The following SDK1 variants were observed in gnomAD, a reference collection of about 807,000 sequenced individuals.
The protein encoded by SDK1 is sidekick cell adhesion molecule 1.
A neutral mutation model predicts 245.5 loss-of-function variants in SDK1; 157 were observed. The observed-to-expected ratio is 0.64, with a 90% CI of 0.56 to 0.73. The LOEUF is 0.73. SDK1 is among the 30% of genes least tolerant of loss of function. The pLI, the probability that SDK1 is intolerant of heterozygous loss-of-function variation, is 0.00. For synonymous variants in SDK1, 1,647 were observed against 1,278.5 expected (o/e 1.29, Z -6.15); for missense variants, 3,583 against 3,002.3 (o/e 1.19, Z -4.52).
intron 1 of SDK1, among the ~76,000 whole-genome samples, chr7:3,589,040 A>G (rs529442962): frequency 6.6e-6 from 1 of 152,354 alleles, no homozygotes; most frequent in Admixed American, 6.5e-5. Flanking sequence ...TTAGATCAAT[A>G]TTAGCTAACA....
At chr7:4,141,656 ATCGGGGATGCTGGGGAAGGCCC>A (rs1310176643) in intron 28 of SDK1, among the ~76,000 whole-genome samples, 3 of 152,348 alleles carry the variant, frequency 2.0e-5, no homozygotes, top group East Asian at 3.9e-4. Context: ...GTTCCTGGCC[ATCGGGGATGCTGGGGAAGGCCC>A]TCGTTAGTCG....
intron 4 of SDK1, among the ~76,000 whole-genome samples, chr7:3,799,044 A>T (rs552555962): frequency 6.6e-6 from 1 of 152,154 alleles, no homozygotes; most frequent in African/African-American, 2.4e-5. Flanking sequence ...CTTCGCCTTC[A>T]ATTATTTATT....
intron 1 of SDK1, among the ~76,000 whole-genome samples, chr7:3,603,627 A>G (rs972972649): frequency 2.4e-4 from 37 of 152,156 alleles, no homozygotes; most frequent in Non-Finnish European, 4.3e-4. Flanking sequence ...GTCGTCTGCA[A>G]ACAGGGACAA....
chr7:3,498,999 T>G (rs1782109484), intron 1 of SDK1, among the ~76,000 whole-genome samples: 1 of 152,212 alleles, frequency 6.6e-6, no homozygotes, highest in Non-Finnish European at 1.5e-5. Context: ...TTTGCAGAAA[T>G]CTAAAGTTTA....
At chr7:3,462,639 T>C (rs1780868956) in intron 1 of SDK1, among the ~76,000 whole-genome samples, 1 of 152,136 alleles carries the variant, frequency 6.6e-6, no homozygotes, top group Non-Finnish European at 1.5e-5. Flanking sequence ...AGTCCAGCTG[T>C]ACCATAAACT....
rs537415368 is a variant in SDK1 at position 4,236,330 on chromosome 7, C to T, written c.5993-1317C>T. Among the ~76,000 whole-genome samples the T allele has an allele frequency of 4.6e-5, 7 of 152,318 alleles. No homozygotes were observed. In the South Asian group the frequency reaches 8.3e-4, roughly 18 times the overall value. On this transcript the variant is annotated intron_variant, in intron 41 of 44. Transcript: ENST00000404826. ...CAGCACCCATCAAGATACAATTTCC[C>T]GCTTTTCTGTTCTGAGCGAGCAGAA...
intron 1 of SDK1, among the ~76,000 whole-genome samples, chr7:3,561,250 G>T (rs1779741947): frequency 6.6e-6 from 1 of 152,154 alleles, no homozygotes; most frequent in Non-Finnish European, 1.5e-5. Flanking sequence ...CAAGGGCAGG[G>T]GGTTGATCCC....
chr7:3,552,087 G>A (rs959407958), intron 1 of SDK1, among the ~76,000 whole-genome samples: 2 of 151,838 alleles, frequency 1.3e-5, no homozygotes, highest in Admixed American at 1.3e-4. Flanking sequence ...CGCCCAGGCT[G>A]GAGTGCGGTG....
At chr7:3,857,965 C>T (rs1780587651) in intron 5 of SDK1, among the ~76,000 whole-genome samples, 1 of 152,022 alleles carries the variant, frequency 6.6e-6, no homozygotes. Context: ...TGTGATATAC[C>T]ATATACATGG....
chr7:4,216,116 G>C (rs1784780738), intron 38 of SDK1, among the ~76,000 whole-genome samples: 1 of 152,216 alleles, frequency 6.6e-6, no homozygotes, highest in African/African-American at 2.4e-5. Context: ...ATTTCTGAGT[G>C]TCTTGGCCTC....
intron 1 of SDK1, among the ~76,000 whole-genome samples, chr7:3,306,620 A>G (rs1279734364): frequency 6.6e-6 from 1 of 152,190 alleles, no homozygotes; most frequent in African/African-American, 2.4e-5. Flanking sequence ...GCCCTCAAAT[A>G]CTGAGATAAA....
intron 15 of SDK1, 71 bp from the exon 16 acceptor site, chr7:4,012,024 A>G (rs1415952831): frequency 2.4e-6 from 3 of 1,275,658 alleles, no homozygotes; most frequent in African/African-American, 3.1e-5. Flanking sequence ...AGCAAGATAG[A>G]TGAAATGCAA....
chr7:3,902,203 T>A (rs904528097), intron 5 of SDK1, among the ~76,000 whole-genome samples: 1 of 152,058 alleles, frequency 6.6e-6, no homozygotes, highest in Non-Finnish European at 1.5e-5. Flanking sequence ...CGCGTGTGCA[T>A]GTGTGTGTGT....
intron 1 of SDK1, among the ~76,000 whole-genome samples, chr7:3,384,409 T>A (rs1653127355): frequency 6.6e-6 from 1 of 152,210 alleles, no homozygotes; most frequent in African/African-American, 2.4e-5. Context: ...CAAAAAGGAT[T>A]CTGTGGTTCA....
At chr7:4,074,884 C>CTCTCTCTCTCTCTCTCTCTG (rs1377225405) in intron 20 of SDK1, among the ~76,000 whole-genome samples, 1 of 62,450 alleles carries the variant, frequency 1.6e-5, no homozygotes, top group African/African-American at 1.2e-4. Flanking sequence ...CTCTCTCTCT[C>CTCTCTCTCTCTCTCTCTCTG]TGTATATATA....
At chr7:3,591,626 T>C (rs1482458393) in intron 1 of SDK1, among the ~76,000 whole-genome samples, 1 of 152,260 alleles carries the variant, frequency 6.6e-6, no homozygotes, top group Admixed American at 6.5e-5. Flanking sequence ...CTTGGTAGAT[T>C]TGCAGTGGGT....
chr7:3,875,822 A>C (rs1445566436), intron 5 of SDK1, among the ~76,000 whole-genome samples: 1 of 152,080 alleles, frequency 6.6e-6, no homozygotes, highest in African/African-American at 2.4e-5. Flanking sequence ...TATCCTTGGG[A>C]ATCTCCACCT....
intron 4 of SDK1, among the ~76,000 whole-genome samples, chr7:3,819,536 G>A (rs1414517407): frequency 6.6e-6 from 1 of 151,992 alleles, no homozygotes; most frequent in African/African-American, 2.4e-5. Context: ...AACTTCATGT[G>A]TAGTAAATAT....
At chr7:3,742,005 T>C (rs1405495062) in intron 4 of SDK1, among the ~76,000 whole-genome samples, 1 of 149,318 alleles carries the variant, frequency 6.7e-6, no homozygotes, top group Non-Finnish European at 1.5e-5. Context: ...TATATATATA[T>C]ATATATATGC....
Sources: allele counts gnomAD v4.1 joint callset (sites outside exome capture counted in the v4.1 genomes callset), GRCh38; gene constraint gnomAD v4.1.1; transcripts MANE v1.5; gene names NCBI Gene and HGNC (gene_info 2026-07-23, HGNC 2026-07-21).